Variants in SPMIP4 observed in about 807,000 individuals in gnomAD.
SPMIP4 encodes the protein sperm microtubule inner protein 4, also known as sperm-associated microtubule inner protein 4.
At chr7:25,151,501 G>T in the SPMIP4 span, 1 of 748,072 alleles carries the variant, frequency 1.3e-6, no homozygotes, top group Non-Finnish European at 2.2e-6. Context: ...GGGATTATGG[G>T]CATGTGCCAC....
At chr7:25,176,952 C>A in the SPMIP4 span, among the ~76,000 whole-genome samples, 26 of 152,338 alleles carry the variant, frequency 1.7e-4, no homozygotes, top group African/African-American at 6.3e-4. This position sits in a 1 kb window ranked among gnomAD's most constrained non-coding sequence, Gnocchi z 4.4. Flanking sequence ...AGTGTTTAGT[C>A]TGGCAAACAG....
At chr7:25,165,691 C>T in the SPMIP4 span, among the ~76,000 whole-genome samples, 28,153 of 152,184 alleles carry the variant, frequency 0.18, 3,810 homozygotes, top group African/African-American at 0.38. Flanking sequence ...CTTTGCTGCA[C>T]GTTGGAATTA....
the SPMIP4 span, chr7:25,161,211 C>A: frequency 6.4e-7 from 1 of 1,560,844 alleles, no homozygotes; most frequent in Non-Finnish European, 8.7e-7. Flanking sequence ...CCATAGACAT[C>A]ACTTTTTTTG....
At chr7:25,155,203 T>C in the SPMIP4 span, 31 of 1,496,522 alleles carry the variant, frequency 2.1e-5, no homozygotes, top group Non-Finnish European at 2.6e-5. Flanking sequence ...CTAAGATTTA[T>C]TGAGGAAACA....
the SPMIP4 span, chr7:25,142,950 T>C: frequency 1.1e-5 from 6 of 541,516 alleles, no homozygotes; most frequent in African/African-American, 8.0e-5. Context: ...CATTAATTAC[T>C]AGTTAATTAC....
chr7:25,135,109 A>T, the SPMIP4 span: 1 of 348,476 alleles, frequency 2.9e-6, no homozygotes, highest in Non-Finnish European at 4.0e-6. Context: ...CTCTTGGCAC[A>T]TTAAATGAAT....
At chr7:25,127,908 T>C in the SPMIP4 span, among the ~76,000 whole-genome samples, 2 of 152,254 alleles carry the variant, frequency 1.3e-5, no homozygotes, top group Non-Finnish European at 2.9e-5. Flanking sequence ...TGCAGCTATA[T>C]CTGCATTAGG....
At chr7:25,128,116 G>C in the SPMIP4 span, among the ~76,000 whole-genome samples, 2 of 152,238 alleles carry the variant, frequency 1.3e-5, no homozygotes, top group Non-Finnish European at 2.9e-5. The surrounding 1 kb of genome is among the most constrained non-coding windows in gnomAD (Gnocchi z 4.5). Context: ...AAGCACCCTT[G>C]TGGCTGCCTC....
the SPMIP4 span, chr7:25,154,972 T>C: frequency 1.9e-6 from 3 of 1,548,124 alleles, no homozygotes; most frequent in African/African-American, 1.4e-5. Context: ...ATCCCAATAA[T>C]AAGAATTAAT....
At chr7:25,168,439 T>G in the SPMIP4 span, 1 of 1,600,892 alleles carries the variant, frequency 6.2e-7, no homozygotes, top group Non-Finnish European at 8.5e-7. Flanking sequence ...CCTACATTGT[T>G]GAAGTGACTC....
the SPMIP4 span, chr7:25,161,071 A>G: frequency 3.9e-4 from 232 of 589,984 alleles, 4 homozygotes; most frequent in South Asian, 5.1e-3. Flanking sequence ...CTATTTTAAA[A>G]AAGAAATAAT....
At chr7:25,129,915 C>T in the SPMIP4 span, among the ~76,000 whole-genome samples, 2 of 151,896 alleles carry the variant, frequency 1.3e-5, no homozygotes, top group Admixed American at 6.6e-5. Flanking sequence ...AATCTGCCTC[C>T]CTAAGAATAC....
At chr7:25,170,650 T>C in the SPMIP4 span, among the ~76,000 whole-genome samples, 27,825 of 152,236 alleles carry the variant, frequency 0.18, 3,676 homozygotes, top group African/African-American at 0.37. Flanking sequence ...CTTCTAAGTA[T>C]CTTACAGTTT....
the SPMIP4 span, chr7:25,151,587 G>A: frequency 5.2e-6 from 8 of 1,536,312 alleles, no homozygotes; most frequent in East Asian, 1.8e-4. Flanking sequence ...CATTTAAAAA[G>A]ATACTTACAT....
At chr7:25,165,772 C>T in the SPMIP4 span, among the ~76,000 whole-genome samples, 23 of 152,326 alleles carry the variant, frequency 1.5e-4, no homozygotes, top group South Asian at 1.5e-3. Context: ...ATGTGGCATT[C>T]GCCATTTCCT....
chr7:25,168,541 A>T, the SPMIP4 span: 1 of 1,209,748 alleles, frequency 8.3e-7, no homozygotes, highest in Non-Finnish European at 1.1e-6. Flanking sequence ...ATTGCATAAA[A>T]TTCCTACCAC....
chr7:25,174,583 T>TA, the SPMIP4 span, among the ~76,000 whole-genome samples: 4 of 152,302 alleles, frequency 2.6e-5, no homozygotes, highest in South Asian at 6.2e-4. The surrounding 1 kb of genome is among the most constrained non-coding windows in gnomAD (Gnocchi z 4.5). Flanking sequence ...AACTATTATT[T>TA]AAAAAAATGT....
At chr7:25,178,126 C>T in the SPMIP4 span, among the ~76,000 whole-genome samples, 1 of 152,226 alleles carries the variant, frequency 6.6e-6, no homozygotes, top group Non-Finnish European at 1.5e-5. Flanking sequence ...CACGTTGCTG[C>T]AAAGGACATG....
the SPMIP4 span, among the ~76,000 whole-genome samples, chr7:25,167,159 C>G: frequency 6.6e-6 from 1 of 152,194 alleles, no homozygotes; most frequent in Non-Finnish European, 1.5e-5. Context: ...GCTATCTCCC[C>G]AGTCTCTAGA....
Sources: gnomAD v4.1 joint callset for allele counts (sites outside exome capture counted in the v4.1 genomes callset) on GRCh38, gnomAD v4.1.1 for gene constraint, Gnocchi (gnomAD v3.1) non-coding constraint, MANE v1.5 for transcripts, NCBI Gene and HGNC (gene_info 2026-07-23, HGNC 2026-07-21) for gene names.